ZNF385D: variants seen among roughly 807,000 people sequenced by gnomAD.
The protein encoded by ZNF385D is zinc finger protein 659.
In ZNF385D, 15 loss-of-function variants were observed where a neutral mutation model predicts 35.8. That is an observed-to-expected ratio of 0.42 (90% confidence interval 0.28 to 0.64). The LOEUF is 0.64. ZNF385D is among the 30% of genes least tolerant of loss of function. The probability of loss-of-function intolerance (pLI) is 0.23; values close to 1 mark genes in which losing one functional copy is unlikely to be tolerated. For missense variants in ZNF385D, 474 were observed against 494.6 expected (o/e 0.96, Z 0.39); for synonymous variants, 212 against 186.8 (o/e 1.13, Z -1.10).
At chr3:21,856,257 A>ATC (rs1696706824) in intron 3 of ZNF385D, among the ~76,000 whole-genome samples, 2 of 152,056 alleles carry the variant, frequency 1.3e-5, no homozygotes, top group Non-Finnish European at 2.9e-5. Context: ...TATTTCAACA[A>ATC]CTAAAGTGCA....
chr3:21,866,179 G>A (rs929023717), intron 3 of ZNF385D, among the ~76,000 whole-genome samples: 18 of 151,924 alleles, frequency 1.2e-4, no homozygotes, highest in African/African-American at 2.9e-4. Flanking sequence ...TGGGCTGGGC[G>A]CAGTGGCTCA....
chr3:21,422,409 G>A (rs1359372586), intron 7 of ZNF385D, among the ~76,000 whole-genome samples: 1 of 152,100 alleles, frequency 6.6e-6, no homozygotes, highest in African/African-American at 2.4e-5. Flanking sequence ...GGTTTGTTAT[G>A]TAGGTAAATT....
intron 3 of ZNF385D, among the ~76,000 whole-genome samples, chr3:21,766,554 C>G (rs965931307): frequency 6.6e-6 from 1 of 152,092 alleles, no homozygotes; most frequent in Admixed American, 6.6e-5. Flanking sequence ...TGGTAACTCA[C>G]TATATATCTG....
At chr3:21,949,570 T>A (rs1223633860) in intron 3 of ZNF385D, among the ~76,000 whole-genome samples, 9 of 138,002 alleles carry the variant, frequency 6.5e-5, no homozygotes, top group Admixed American at 2.2e-4. Context: ...TTTTTTTTTT[T>A]AATACTTTTA....
At chr3:22,163,598 T>C (rs1166275383) in intron 3 of ZNF385D, among the ~76,000 whole-genome samples, 2 of 152,334 alleles carry the variant, frequency 1.3e-5, no homozygotes, top group East Asian at 1.9e-4. Context: ...AATATTCAAA[T>C]ATCAAATAAT....
intron 1 of ZNF385D, among the ~76,000 whole-genome samples, chr3:21,684,996 G>C (rs1219454567): frequency 6.6e-6 from 1 of 152,122 alleles, no homozygotes; most frequent in African/African-American, 2.4e-5. Flanking sequence ...CAGTTAGCAA[G>C]GAAACCAATG....
intron 2 of ZNF385D, among the ~76,000 whole-genome samples, chr3:22,192,325 T>A (rs968873265): frequency 6.6e-6 from 1 of 152,174 alleles, no homozygotes; most frequent in South Asian, 2.1e-4. Flanking sequence ...TATTGTAGCC[T>A]GAGAAAATGA....
rs559993540 is a variant in ZNF385D, at chr3:21,884,924, T to G, written c.326-219896A>C. Among the ~76,000 whole-genome samples the G allele has an allele frequency of 1.3e-3, 194 of 152,026 alleles. 5 individuals are homozygous for G. In the South Asian group the frequency reaches 0.023, roughly 18 times the overall value. On this transcript the variant is annotated intron_variant, in intron 3 of 5. Coordinates refer to the ZNF385D transcript ENST00000494108. ...ATTTATCTGCACTTTTTTTTGTAAA[T>G]AAAGTTTTTCAGGGAGAATACAGCC...
At chr3:22,215,394 A>ACATCCCTGAGAAAGAGAATG (rs1697805923) in intron 2 of ZNF385D, among the ~76,000 whole-genome samples, 1 of 152,044 alleles carries the variant, frequency 6.6e-6, no homozygotes, top group Non-Finnish European at 1.5e-5. Context: ...TCAGCAAGGA[A>ACATCCCTGAGAAAGAGAATG]CATCCCTGAG....
intron 3 of ZNF385D, among the ~76,000 whole-genome samples, chr3:22,046,260 C>T (rs1293752200): frequency 6.6e-6 from 1 of 152,102 alleles, no homozygotes; most frequent in Non-Finnish European, 1.5e-5. Context: ...CTTCTATTTT[C>T]TAAAACTGCT....
intron 4 of ZNF385D, among the ~76,000 whole-genome samples, chr3:21,501,175 T>A (rs922021797): frequency 6.6e-6 from 1 of 151,906 alleles, no homozygotes; most frequent in Non-Finnish European, 1.5e-5. Flanking sequence ...TCCGTTCAAT[T>A]TGGGGTCTCC....
intron 3 of ZNF385D, among the ~76,000 whole-genome samples, chr3:21,946,331 T>C (rs1701780601): frequency 6.6e-6 from 1 of 152,194 alleles, no homozygotes; most frequent in African/African-American, 2.4e-5. Flanking sequence ...ATATATTCAA[T>C]GCTGTATATC....
intron 4 of ZNF385D, among the ~76,000 whole-genome samples, chr3:21,461,915 A>G (rs2125314658): frequency 6.6e-6 from 1 of 152,172 alleles, no homozygotes; most frequent in South Asian, 2.1e-4. Context: ...ACCTCTGAGC[A>G]CTTAAGTATC....
chr3:21,773,301 G>A (rs907988597), intron 3 of ZNF385D, among the ~76,000 whole-genome samples: 1 of 151,864 alleles, frequency 6.6e-6, no homozygotes, highest in African/African-American at 2.4e-5. Flanking sequence ...GAAAGTTCAA[G>A]CCTCTTAGTC....
intron 3 of ZNF385D, among the ~76,000 whole-genome samples, chr3:21,873,338 CTCA>C (rs1697795573): frequency 6.6e-6 from 1 of 152,050 alleles, no homozygotes; most frequent in South Asian, 2.1e-4. Context: ...ATAAATAAAT[CTCA>C]TCAATTTAAA....
intron 2 of ZNF385D, among the ~76,000 whole-genome samples, chr3:22,222,755 T>A (rs1698335980): frequency 6.6e-6 from 1 of 152,198 alleles, no homozygotes; most frequent in South Asian, 2.1e-4. Flanking sequence ...CTAAGTAAAA[T>A]GTGAATTTTT....
At position 21,504,274 on chromosome 3, in the gene ZNF385D, A is replaced by T. The variant is rs903994244; in HGVS notation, c.439+6587T>A. 6.6e-5 allele frequency among the ~76,000 whole-genome samples: 10 copies of T among 152,080 alleles called. No homozygotes were observed. The East Asian group carries it at 9.6e-4, about 15-fold the overall frequency. On this transcript the variant is annotated intron_variant, in intron 4 of 7. Coordinates refer to ENST00000281523, the MANE Select transcript of ZNF385D (RefSeq NM_024697.3). ...ATCTCAAAAACCAAAAACAACAACA[A>T]CAACAATCTCCTTTAGGGGTTAGAC...
At chr3:22,223,923 C>T (rs1332642170) in intron 2 of ZNF385D, among the ~76,000 whole-genome samples, 2 of 152,134 alleles carry the variant, frequency 1.3e-5, no homozygotes, top group East Asian at 3.9e-4. Context: ...CATGTAAAGT[C>T]AGGGACTTTG....
At chr3:21,560,233 G>A (rs1426366274) in intron 3 of ZNF385D, among the ~76,000 whole-genome samples, 1 of 152,130 alleles carries the variant, frequency 6.6e-6, no homozygotes, top group Non-Finnish European at 1.5e-5. Context: ...TGGAGGAGAA[G>A]AGGCGTTCTG....
Sources: allele counts gnomAD v4.1 joint callset (sites outside exome capture counted in the v4.1 genomes callset), GRCh38; gene constraint gnomAD v4.1.1; transcripts MANE v1.5; gene names NCBI Gene and HGNC (gene_info 2026-07-23, HGNC 2026-07-21).